Variants in TNNI3K observed in about 807,000 individuals in gnomAD.
The protein encoded by TNNI3K is TNNI3 interacting kinase.
TNNI3K carries 140 observed loss-of-function variants against 114.5 expected under a neutral mutation model. That is an observed-to-expected ratio of 1.22 (90% CI 1.07 to 1.41). The LOEUF (loss-of-function observed/expected upper bound fraction) is 1.41. Among genes scored for constraint, TNNI3K ranks in the 40% most tolerant of loss-of-function variants. TNNI3K has a pLI of 0.00. For synonymous variants in TNNI3K, 347 were observed against 347.5 expected, an observed-to-expected ratio of 1.00 and a Z score of 0.02; for missense variants, 1,125 against 1,007.6, an observed-to-expected ratio of 1.12 and a Z score of -1.58.
intron 21 of TNNI3K, chr1:74,475,450 T>C (rs1668150760): frequency 2.8e-6 from 2 of 717,076 alleles, no homozygotes; most frequent in South Asian, 3.0e-5. Flanking sequence ...ACATTCCGAA[T>C]GCAGCAATCT....
chr1:74,366,934 T>G (rs1156272763), intron 11 of TNNI3K, among the ~76,000 whole-genome samples: 5 of 152,022 alleles, frequency 3.3e-5, no homozygotes, highest in Admixed American at 2.0e-4. Flanking sequence ...TAGTATTGCC[T>G]TATTTAGAAA....
intron 4 of TNNI3K, among the ~76,000 whole-genome samples, chr1:74,267,840 CT>C (rs1486267371): frequency 6.6e-6 from 1 of 151,780 alleles, no homozygotes; most frequent in African/African-American, 2.4e-5. Context: ...TCCTAATATA[CT>C]TTAAAAAAAT....
chr1:74,394,293 G>A (rs1663957433), intron 17 of TNNI3K, among the ~76,000 whole-genome samples: 2 of 152,132 alleles, frequency 1.3e-5, no homozygotes, highest in African/African-American at 2.4e-5. Context: ...TTAAAAATTA[G>A]GAAGACCTCA....
chr1:74,335,131 A>G (rs376871553), intron 6 of TNNI3K, among the ~76,000 whole-genome samples: 11 of 152,226 alleles, frequency 7.2e-5, no homozygotes, highest in African/African-American at 2.4e-4. Flanking sequence ...TCATTGTGCT[A>G]TGCACTTTAA....
intron 2 of TNNI3K, among the ~76,000 whole-genome samples, chr1:74,237,002 T>G (rs1191319963): frequency 1.3e-5 from 2 of 151,886 alleles, no homozygotes; most frequent in African/African-American, 4.8e-5. Flanking sequence ...CTCCCTCTAT[T>G]TTACTTAGAA....
chr1:74,328,782 T>G (rs569860346), intron 5 of TNNI3K, among the ~76,000 whole-genome samples: 1 of 152,146 alleles, frequency 6.6e-6, no homozygotes, highest in Non-Finnish European at 1.5e-5. Context: ...TCTTATCTTT[T>G]AGAATGAAAG....
intron 17 of TNNI3K, chr1:74,371,471 G>C (rs926353479): frequency 3.1e-4 from 47 of 151,788 alleles, no homozygotes; most frequent in African/African-American, 1.1e-3. Flanking sequence ...AATTGCTTCT[G>C]AGGATTCTAA....
intron 17 of TNNI3K, among the ~76,000 whole-genome samples, chr1:74,425,859 G>A (rs1256258767): frequency 6.6e-6 from 1 of 152,042 alleles, no homozygotes; most frequent in Non-Finnish European, 1.5e-5. Context: ...AAGGGTTAGA[G>A]CTAAAATAGC....
At chr1:74,501,199 T>C (rs1445356003) in intron 23 of TNNI3K, among the ~76,000 whole-genome samples, 1 of 152,216 alleles carries the variant, frequency 6.6e-6, no homozygotes, top group Non-Finnish European at 1.5e-5. Flanking sequence ...TTCTGGGTAA[T>C]TTTTTCAGAT....
intron 5 of TNNI3K, among the ~76,000 whole-genome samples, chr1:74,294,418 G>A (rs767393221): frequency 2.6e-5 from 4 of 152,116 alleles, no homozygotes; most frequent in Admixed American, 6.5e-5. Flanking sequence ...ATGGATAGTG[G>A]TTTGTGGGAA....
chr1:74,473,344 C>T (rs1462944868), intron 21 of TNNI3K, among the ~76,000 whole-genome samples: 3 of 152,042 alleles, frequency 2.0e-5, no homozygotes, highest in Admixed American at 6.6e-5. Context: ...TGACATTAAA[C>T]GACCCTATTG....
intron 21 of TNNI3K, chr1:74,464,821 T>A: frequency 6.8e-7 from 1 of 1,477,670 alleles, no homozygotes; most frequent in South Asian, 1.4e-5. Flanking sequence ...AAATGTTAGC[T>A]CCATGAAAGC....
intron 21 of TNNI3K, chr1:74,480,313 G>A (rs1321344756): frequency 1.4e-6 from 1 of 717,752 alleles, no homozygotes; most frequent in Admixed American, 2.0e-5. Context: ...TAGATGGCTG[G>A]CAATTTAGGT....
At chr1:74,474,226 G>T (rs1283753189) in intron 21 of TNNI3K, among the ~76,000 whole-genome samples, 1 of 152,058 alleles carries the variant, frequency 6.6e-6, no homozygotes, top group African/African-American at 2.4e-5. Context: ...TGAAAGATCT[G>T]CCTAAGGTAT....
chr1:74,542,777 C>T (rs1235218949), intron 24 of TNNI3K, among the ~76,000 whole-genome samples: 1 of 152,196 alleles, frequency 6.6e-6, no homozygotes, highest in African/African-American at 2.4e-5. Context: ...AATGTGCTCA[C>T]TTTCATGAAG....
chr1:74,509,824 C>A (rs1670094648), intron 23 of TNNI3K, among the ~76,000 whole-genome samples: 1 of 127,242 alleles, frequency 7.9e-6, no homozygotes, highest in African/African-American at 3.0e-5. Flanking sequence ...GCGATTATGG[C>A]TCACTGCAGC....
chr1:74,242,673 C>T (rs1332123953), intron 2 of TNNI3K, among the ~76,000 whole-genome samples: 1 of 151,976 alleles, frequency 6.6e-6, no homozygotes, highest in African/African-American at 2.4e-5. Context: ...AAATAAGAAT[C>T]GTCAACAACA....
Position 74,439,500 on chromosome 1 carries a change from G to T in TNNI3K, c.1889G>T (p.Trp630Leu). 1.9e-6 allele frequency: 3 copies of T among 1,612,376 alleles called. No homozygotes were observed. The highest frequency in any genetic ancestry group is 2.5e-6 in the Non-Finnish European group (3 of 1,179,044). The stretch of plus-strand genomic sequence containing the variant: ...TTTCTTGATGTGCAGAACCTCCGTT[G>T]GATGGCTCCTGAGGTGTTCACGCAG... ...NMTKQPGNLRWMAPEVFTQCT... is the reference protein window; with the variant it reads ...NMTKQPGNLRLMAPEVFTQCT... Residue 630 changes from tryptophan to leucine, a missense_variant, in exon 20 of 25, where the codon TGG becomes TTG. Coordinates refer to ENST00000326637, the MANE Select transcript of TNNI3K (RefSeq NM_015978.3).
chr1:74,437,287 AAT>A (rs1291540979), intron 19 of TNNI3K, among the ~76,000 whole-genome samples: 1 of 152,036 alleles, frequency 6.6e-6, no homozygotes, highest in Non-Finnish European at 1.5e-5. Flanking sequence ...CTAGTGTCAT[AAT>A]AGGCTTCTAA....
Sources: gnomAD v4.1 joint callset for allele counts (sites outside exome capture counted in the v4.1 genomes callset) on GRCh38, gnomAD v4.1.1 for gene constraint, MANE v1.5 for transcripts, NCBI Gene and HGNC (gene_info 2026-07-23, HGNC 2026-07-21) for gene names.